Variants in DIXDC1 observed in about 807,000 individuals in gnomAD.
DIXDC1 encodes dixin.
Under a neutral mutation model 103.1 loss-of-function variants are expected in DIXDC1, and 64 were observed. The ratio of observed to expected loss-of-function variants is 0.62; its 90% CI spans 0.51 to 0.76. The LOEUF is 0.76. Ranked by LOEUF, DIXDC1 falls within the 30% of genes least tolerant of loss-of-function variation. DIXDC1 has a pLI of 0.00. For missense variants in DIXDC1, 759 were observed against 834.2 expected (o/e 0.91, Z 1.11); for synonymous variants, 266 against 298.5 (o/e 0.89, Z 1.12).
At position 111,990,448 on chromosome 11, in the gene DIXDC1, G is replaced by A. The variant is rs189931210; in HGVS notation, c.1113+1393G>A. On this transcript the variant is annotated intron_variant, in intron 10 of 19. Coordinates refer to ENST00000440460, the MANE Select transcript of DIXDC1 (RefSeq NM_001037954.4). The stretch of plus-strand genomic sequence containing the variant: ...TTGTGTCTACATCGCTTTCCCCCAC[G>A]GTTTTACCCAAATGGTAATATACTA... Among the ~76,000 whole-genome samples, 8 of 151,966 alleles carry A rather than the reference G, an allele frequency of 5.3e-5. No individual in the cohort carries two copies. In the East Asian group the frequency reaches 5.8e-4, roughly 11 times the overall value.
intron 10 of DIXDC1, among the ~76,000 whole-genome samples, chr11:111,990,794 C>T (rs1432709896): frequency 3.3e-5 from 5 of 152,094 alleles, no homozygotes; most frequent in Admixed American, 2.0e-4. Flanking sequence ...GCAACCTCCA[C>T]CTCCCGAGTT....
chr11:111,996,115 T>A lies in DIXDC1; in HGVS notation c.1725T>A (p.Ser575Arg), dbSNP rs1555175379. 1 of 1,613,712 alleles carries A rather than the reference T, an allele frequency of 6.2e-7. No homozygotes were observed. The highest frequency in any genetic ancestry group is 8.5e-7 in the Non-Finnish European group (1 of 1,179,836). Reference sequence around the variant, plus strand: ...AGTCACCCAGAACTCAAGTAGGTAGTGAATACCGGGAGTCCTGGCCCCCTA... The same window carrying A: ...AGTCACCCAGAACTCAAGTAGGTAGAGAATACCGGGAGTCCTGGCCCCCTA... Reference protein sequence around the residue: ...RVKSPRTQVGSEYRESWPPNS... With the variant: ...RVKSPRTQVGREYRESWPPNS... The change falls in exon 17 of 20, where the codon AGT becomes AGA. Residue 575 changes from serine to arginine, a missense_variant. Ser to Arg is a moderately radical substitution (Grantham distance 110). This residue lies in a region of DIXDC1 where 657 missense variants were observed against 727.5 expected (regional missense o/e 0.90). Coordinates refer to ENST00000440460, the MANE Select transcript of DIXDC1 (RefSeq NM_001037954.4).
Position 111,937,401 on chromosome 11 carries a change from A to C in DIXDC1, c.-99A>C. 5 of 1,504,228 alleles carry C rather than the reference A, an allele frequency of 3.3e-6. No homozygotes were observed. The highest frequency in any genetic ancestry group is 4.4e-6 in the Non-Finnish European group (5 of 1,126,974). 93.2% of individuals were successfully genotyped at this position (1,504,228 alleles called of 1,614,324 possible). ...CATGCGGGACTCCGGAGGGATCCCA[A>C]TGAGCTGAGCCGAGAGCCTTTGTGT... On this transcript the variant is annotated 5_prime_UTR_variant, in exon 1 of 20. An upstream start codon of the reference 5' UTR is lost. Coordinates refer to ENST00000440460, the MANE Select transcript of DIXDC1 (RefSeq NM_001037954.4).
At chr11:111,968,007 C>A (rs868949362) in intron 2 of DIXDC1, among the ~76,000 whole-genome samples, 4 of 152,338 alleles carry the variant, frequency 2.6e-5, no homozygotes, top group Middle Eastern at 3.4e-3. Flanking sequence ...CTCCTCAAAT[C>A]TTAACATGCT....
chr11:111,937,308 AGGCCCCC>A, upstream of DIXDC1: 1 of 1,334,110 alleles, frequency 7.5e-7, no homozygotes, highest in East Asian at 3.0e-5. Flanking sequence ...CCTCCAGCGG[AGGCCCCC>A]GTGCGAGCAT....
intron 1 of DIXDC1, among the ~76,000 whole-genome samples, chr11:111,960,597 A>T (rs1859540682): frequency 7.8e-6 from 1 of 127,500 alleles, no homozygotes. Flanking sequence ...TCTGTCTTAA[A>T]AAAAAAAAAA....
chr11:111,985,841 G>A (rs1324114253), intron 8 of DIXDC1, among the ~76,000 whole-genome samples: 1 of 152,056 alleles, frequency 6.6e-6, no homozygotes, highest in Non-Finnish European at 1.5e-5. Context: ...AGTCCCATAA[G>A]CATCTCAATT....
intron 11 of DIXDC1, 29 bp downstream of exon 11, chr11:111,992,548 A>G (rs1860744957): frequency 6.5e-7 from 1 of 1,536,414 alleles, no homozygotes; most frequent in Non-Finnish European, 8.8e-7. Context: ...CCTTGACCTC[A>G]GTGAGCCCCA....
chr11:112,005,721 C>A (rs1861215441), intron 17 of DIXDC1, among the ~76,000 whole-genome samples: 1 of 151,958 alleles, frequency 6.6e-6, no homozygotes, highest in South Asian at 2.1e-4. Flanking sequence ...TCCCGTCCCC[C>A]CCTCAAAAAA....
chr11:111,948,703 T>G (rs1966678690), intron 1 of DIXDC1, among the ~76,000 whole-genome samples: 1 of 150,654 alleles, frequency 6.6e-6, no homozygotes, highest in South Asian at 2.1e-4. Context: ...TGAAGCCTCC[T>G]TCATTCTCCC....
chr11:111,993,689 A>G lies in DIXDC1; in HGVS notation c.1386A>G (p.Leu462=), dbSNP rs587616802. 9 of 1,614,084 alleles carry G rather than the reference A, an allele frequency of 5.6e-6. No homozygotes were observed. In the South Asian group the frequency reaches 8.8e-5, roughly 16 times the overall value. The change falls in exon 14 of 20, where the codon CTA becomes CTG. Residue 462 remains leucine (L), a synonymous_variant. Transcript: ENST00000440460. ...TGCAGGTGGATCTAGAGCGAGAGCT[A>G]GAACACAAAGATGTCCTCTTGGCTC... is the stretch of plus-strand genomic sequence containing the variant. The part of the protein sequence containing the change: ...SYHQVDLERE[L]EHKDVLLAHC...
At chr11:112,005,829 A>G (rs1861219031) in intron 17 of DIXDC1, among the ~76,000 whole-genome samples, 1 of 152,224 alleles carries the variant, frequency 6.6e-6, no homozygotes, top group African/African-American at 2.4e-5. Context: ...AGTAGTGTAC[A>G]GAACATCAAT....
intron 1 of DIXDC1, among the ~76,000 whole-genome samples, chr11:111,941,842 A>ACACC: frequency 6.7e-6 from 1 of 150,024 alleles, no homozygotes; most frequent in Admixed American, 6.6e-5. Context: ...CAAAATACAC[A>ACACC]CACACACACA....
intron 3 of DIXDC1, among the ~76,000 whole-genome samples, chr11:111,972,061 C>T (rs782578817): frequency 3.3e-5 from 5 of 152,092 alleles, no homozygotes; most frequent in Non-Finnish European, 7.4e-5. Flanking sequence ...TACCCTAGAC[C>T]TCAGCATCAC....
intron 19 of DIXDC1, among the ~76,000 whole-genome samples, chr11:112,018,381 T>A (rs1861662146): frequency 1.3e-5 from 2 of 152,230 alleles, no homozygotes; most frequent in Non-Finnish European, 2.9e-5. Flanking sequence ...GATAGACTTT[T>A]GGGGGAATAC....
chr11:111,944,179 C>A (rs1314023197), intron 1 of DIXDC1, among the ~76,000 whole-genome samples: 1 of 152,208 alleles, frequency 6.6e-6, no homozygotes, highest in Non-Finnish European at 1.5e-5. Context: ...TCTCAGAGTT[C>A]TAAACAGGTA....
chr11:111,995,343 A>T, intron 15 of DIXDC1, 60 bp from the exon 16 acceptor site: 1 of 1,596,596 alleles, frequency 6.3e-7, no homozygotes, highest in Non-Finnish European at 8.5e-7. Flanking sequence ...TATCCTTTTA[A>T]GCCCAGTGGT....
rs782373404 is a variant in DIXDC1 at position 111,929,906 on chromosome 11, C to T, written c.53C>T (p.Pro18Leu). Residue 18 changes from proline (P) to leucine (L), a missense_variant, in exon 2 of 6, where the codon CCT becomes CTT. Physicochemically the swap from Pro to Leu is moderately conservative, Grantham distance 98 (BLOSUM62 -3). Transcript: ENST00000529225. Reference sequence around the variant, plus strand: ...AATAACTCCTTGCTGCCAACAGAGCCTTCTGTAAGTTTTTGGTGTACTATT... The same window carrying T: ...AATAACTCCTTGCTGCCAACAGAGCTTTCTGTAAGTTTTTGGTGTACTATT... The T allele has an allele frequency of 2.6e-6, 4 of 1,536,002 alleles. No homozygotes were observed. The South Asian group carries it at 4.8e-5, about 18-fold the overall frequency.
chr11:111,956,210 C>T (rs1350721347), intron 1 of DIXDC1, among the ~76,000 whole-genome samples: 3 of 152,012 alleles, frequency 2.0e-5, no homozygotes, highest in African/African-American at 7.3e-5. Context: ...TGGTGGTTGC[C>T]AAGGGCTAAG....
Sources: allele counts gnomAD v4.1 joint callset (sites outside exome capture counted in the v4.1 genomes callset), GRCh38; gene constraint gnomAD v4.1.1; regional missense constraint gnomAD v4.1.1; transcripts MANE v1.5; gene names NCBI Gene and HGNC (gene_info 2026-07-23, HGNC 2026-07-21).